Variants in SLIT2 observed in about 807,000 individuals in gnomAD.
The protein encoded by SLIT2 is slit guidance ligand 2.
In SLIT2, 41 loss-of-function variants were observed where a neutral mutation model predicts 185.7. That is an observed-to-expected ratio of 0.22 (90% confidence interval 0.17 to 0.29). SLIT2 has a LOEUF of 0.29. Ranked by LOEUF, SLIT2 falls within the 10% of genes least tolerant of loss-of-function variation. The pLI, the probability that SLIT2 is intolerant of heterozygous loss-of-function variation, is 1.00. For synonymous variants in SLIT2, 693 were observed against 680.2 expected, an observed-to-expected ratio of 1.02 and a Z score of -0.29; for missense variants, 1,571 against 1,909.0, an observed-to-expected ratio of 0.82 and a Z score of 3.30.
intron 4 of SLIT2, among the ~76,000 whole-genome samples, chr4:20,354,216 T>C (rs912029394): frequency 2.0e-5 from 3 of 149,940 alleles, no homozygotes; most frequent in African/African-American, 7.6e-5. Flanking sequence ...AGGTTTTTTT[T>C]CTTTTTTTTT....
rs1485271011 is a variant in SLIT2 at position 20,554,958 on chromosome 4, C to T, written c.2725+990C>T. Among the ~76,000 whole-genome samples the T allele has an allele frequency of 3.3e-5, 5 of 152,030 alleles. No homozygotes were observed. In the South Asian group the frequency reaches 8.3e-4, roughly 25 times the overall value. Reference sequence around the variant, plus strand: ...CTAATTTTTGTATTTTTAGTAGAGACGGGGTTTCACCATGTTGGCCAGGCT... The same window carrying T: ...CTAATTTTTGTATTTTTAGTAGAGATGGGGTTTCACCATGTTGGCCAGGCT... On this transcript the variant is annotated intron_variant, in intron 26 of 36. Coordinates refer to ENST00000504154, the MANE Select transcript of SLIT2 (RefSeq NM_004787.4).
At chr4:20,322,906 A>C (rs993486540) in intron 4 of SLIT2, among the ~76,000 whole-genome samples, 1 of 152,158 alleles carries the variant, frequency 6.6e-6, no homozygotes, top group African/African-American at 2.4e-5. Flanking sequence ...TCTTAGGGAC[A>C]CTGTTTGTAA....
intron 4 of SLIT2, among the ~76,000 whole-genome samples, chr4:20,423,622 A>G (rs896105075): frequency 5.3e-5 from 8 of 152,112 alleles, no homozygotes; most frequent in Admixed American, 4.6e-4. Flanking sequence ...GATTCTCACA[A>G]TTTCACATGG....
intron 4 of SLIT2, among the ~76,000 whole-genome samples, chr4:20,420,347 T>G (rs568257347): frequency 6.6e-6 from 1 of 152,322 alleles, no homozygotes; most frequent in East Asian, 1.9e-4. Flanking sequence ...AAGCACTCAC[T>G]ATGCTTCCTT....
chr4:20,304,508 A>G (rs1717354091), intron 4 of SLIT2, among the ~76,000 whole-genome samples: 1 of 152,090 alleles, frequency 6.6e-6, no homozygotes, highest in Admixed American at 6.5e-5. Flanking sequence ...CCATGTGACA[A>G]GCGTTGGCCA....
At chr4:20,328,225 T>C (rs1719756897) in intron 4 of SLIT2, among the ~76,000 whole-genome samples, 1 of 152,104 alleles carries the variant, frequency 6.6e-6, no homozygotes, top group Non-Finnish European at 1.5e-5. Context: ...CAAAAGCTTC[T>C]TTCGTAGATA....
In SLIT2 at chr4:20,403,488, T is replaced by A. The variant is rs188650817; in HGVS notation, c.396-64264T>A. ...TGACCTAGCAGGGCTCCCTGTAGAA[T>A]AACAGCTTCTGCTTAGTTCATCAGG... On this transcript the variant is annotated intron_variant, in intron 4 of 36. Coordinates refer to ENST00000504154, the MANE Select transcript of SLIT2 (RefSeq NM_004787.4). 2.0e-5 allele frequency among the ~76,000 whole-genome samples: 3 copies of A among 152,116 alleles called. No individual in the cohort carries two copies. The East Asian group carries it at 5.8e-4, about 29-fold the overall frequency.
chr4:20,324,496 C>T (rs942856711), intron 4 of SLIT2, among the ~76,000 whole-genome samples: 1 of 152,104 alleles, frequency 6.6e-6, no homozygotes, highest in African/African-American at 2.4e-5. Flanking sequence ...AGGGCAGAAA[C>T]CTGCAAGTCC....
chr4:20,397,991 G>A (rs1240850394), intron 4 of SLIT2, among the ~76,000 whole-genome samples: 1 of 151,780 alleles, frequency 6.6e-6, no homozygotes, highest in South Asian at 2.1e-4. Context: ...ACAGACGAGT[G>A]AGTAGAGAAT....
At chr4:20,372,720 G>A (rs1723693530) in intron 4 of SLIT2, among the ~76,000 whole-genome samples, 1 of 151,956 alleles carries the variant, frequency 6.6e-6, no homozygotes, top group Non-Finnish European at 1.5e-5. Flanking sequence ...GCATAGACTA[G>A]GAGACTTTTA....
intron 4 of SLIT2, among the ~76,000 whole-genome samples, chr4:20,402,786 AT>A (rs1287022348): frequency 6.6e-6 from 1 of 151,768 alleles, no homozygotes; most frequent in Non-Finnish European, 1.5e-5. Context: ...AGGATTTTGA[AT>A]TTTTTAATAA....
chr4:20,607,607 A>G (rs1370720016), intron 33 of SLIT2, among the ~76,000 whole-genome samples: 1 of 152,226 alleles, frequency 6.6e-6, no homozygotes, highest in Non-Finnish European at 1.5e-5. Context: ...CCAAGTTCCC[A>G]TCTGACACAC....
intron 4 of SLIT2, among the ~76,000 whole-genome samples, chr4:20,306,626 G>A (rs1268855245): frequency 2.0e-5 from 3 of 152,134 alleles, no homozygotes; most frequent in South Asian, 2.1e-4. Context: ...CTGCATTTTC[G>A]TGTGCTTTTT....
At position 20,620,274 on chromosome 4, in the gene SLIT2, T is replaced by G. The variant is rs1729983695; in HGVS notation, c.*1265T>G. ...CTGTCATATCAAGAACTGTGACTTT[T>G]CTTTCCCTCAAACAATAAAACTCCT... On this transcript the variant is annotated 3_prime_UTR_variant, in exon 37 of 37. Coordinates refer to ENST00000504154, the MANE Select transcript of SLIT2 (RefSeq NM_004787.4). 8.6e-6 allele frequency: 3 copies of G among 350,376 alleles called. No individual in the cohort carries two copies. The highest frequency in any genetic ancestry group is 1.7e-5 in the Non-Finnish European group (3 of 181,716). The allele number at this position is 350,376 out of a possible 1,614,324, so 21.7% of individuals were successfully genotyped here. A position where few individuals can be genotyped will look rare whatever the true frequency, so the allele number is the denominator to read the frequency against.
chr4:20,601,083 A>G (rs1728377434), intron 33 of SLIT2, among the ~76,000 whole-genome samples: 1 of 152,288 alleles, frequency 6.6e-6, no homozygotes, highest in Non-Finnish European at 1.5e-5. Context: ...GCACAAAGAA[A>G]AACTAGACAC....
At chr4:20,374,150 T>C (rs1723816623) in intron 4 of SLIT2, among the ~76,000 whole-genome samples, 1 of 152,048 alleles carries the variant, frequency 6.6e-6, no homozygotes, top group African/African-American at 2.4e-5. Context: ...TAATGCCTAC[T>C]TGATGAAGGT....
intron 4 of SLIT2, among the ~76,000 whole-genome samples, chr4:20,283,412 A>G (rs1714981818): frequency 6.6e-6 from 1 of 152,180 alleles, no homozygotes; most frequent in South Asian, 2.1e-4. Flanking sequence ...AGTCATTGCA[A>G]AACTAATTTG....
At chr4:20,383,620 T>C (rs1411287312) in intron 4 of SLIT2, among the ~76,000 whole-genome samples, 1 of 151,806 alleles carries the variant, frequency 6.6e-6, no homozygotes, top group African/African-American at 2.4e-5. Context: ...CTAAGGGGAG[T>C]GCAAAAATGG....
chr4:20,474,830 G>A (rs981642850), intron 5 of SLIT2, among the ~76,000 whole-genome samples: 1 of 151,628 alleles, frequency 6.6e-6, no homozygotes, highest in Non-Finnish European at 1.5e-5. Flanking sequence ...ATTACTACAG[G>A]GTTTAAAAGT....
Sources: gnomAD v4.1 joint callset for allele counts (sites outside exome capture counted in the v4.1 genomes callset) on GRCh38, gnomAD v4.1.1 for gene constraint, MANE v1.5 for transcripts, NCBI Gene and HGNC (gene_info 2026-07-23, HGNC 2026-07-21) for gene names.